VDAC2: variants seen among roughly 807,000 people sequenced by gnomAD.
VDAC2 encodes voltage dependent anion channel 2.
In VDAC2, 6 loss-of-function variants were observed where a neutral mutation model predicts 36.6. The ratio of observed to expected loss-of-function variants is 0.16; its 90% confidence interval spans 0.09 to 0.32. VDAC2 has a LOEUF of 0.32. Among genes scored for constraint, VDAC2 ranks in the 10% least tolerant of loss-of-function variants. The pLI, the probability that VDAC2 is intolerant of heterozygous loss-of-function variation, is 1.00. For synonymous variants in VDAC2, 109 were observed against 123.8 expected (o/e 0.88, Z 0.79); for missense variants, 247 against 346.0 (o/e 0.71, Z 2.27).
intron 7 of VDAC2, 36 bp from the exon 8 acceptor site, chr10:75,222,216 T>C: frequency 6.3e-7 from 1 of 1,587,718 alleles, no homozygotes; most frequent in South Asian, 1.1e-5. Context: ...TATTACATTG[T>C]CTATTCTAGA....
At chr10:75,221,019 A>T (rs1390381936) in intron 7 of VDAC2, 49 bp downstream of exon 7, 1 of 1,541,508 alleles carries the variant, frequency 6.5e-7, no homozygotes, top group Non-Finnish European at 8.9e-7. Context: ...TCAGAGGATG[A>T]TTTTGATGTC....
intron 4 of VDAC2, among the ~76,000 whole-genome samples, chr10:75,215,656 T>C (rs1188798583): frequency 2.7e-4 from 41 of 150,514 alleles, no homozygotes; most frequent in Non-Finnish European, 5.9e-5. Flanking sequence ...CCGGCCTATA[T>C]AGACATTTTT....
At position 75,230,914 on chromosome 10, in the gene VDAC2, C is replaced by A. The variant is rs748595459; in HGVS notation, c.810C>A (p.Leu270=). 3 of 1,613,622 alleles carry A rather than the reference C, an allele frequency of 1.9e-6. No individual in the cohort carries two copies. The highest frequency in any genetic ancestry group is 2.5e-6 in the Non-Finnish European group (3 of 1,179,786). The change falls in exon 10 of 10, where the codon CTC becomes CTA. Residue 270 remains leucine, a synonymous_variant. Coordinates refer to ENST00000332211, the MANE Select transcript of VDAC2 (RefSeq NM_001391963.1). ...TCTTAATAGGTGTGAAGCTTACACT[C>A]TCTGCTCTGGTAGATGGGAAGAGCA... ...QTLRPGVKLT[L]SALVDGKSIN...
At position 75,220,983 on chromosome 10, in the gene VDAC2, TTC is replaced by T; in HGVS notation, c.584+14_584+15del. 1 of 1,609,042 alleles carries T rather than the reference TTC, an allele frequency of 6.2e-7. No individual in the cohort carries two copies. Among genetic ancestry groups the T allele is most frequent in the African/African-American group, 1.3e-5 (1 of 74,962 alleles). ...TACACACTAATGTGTAAGTATTTCT[TTC>T]ATAGGATACTGTGATGTGGGCCCTC... On this transcript the variant is annotated intron_variant, in intron 7 of 9. Transcript: ENST00000332211.
intron 6 of VDAC2, among the ~76,000 whole-genome samples, chr10:75,219,985 G>A (rs1841759912): frequency 6.7e-6 from 1 of 150,254 alleles, no homozygotes; most frequent in Admixed American, 6.6e-5. Context: ...GTGCCACCAC[G>A]CCCACCTAAT....
chr10:75,224,092 T>C (rs1359140294), intron 8 of VDAC2, among the ~76,000 whole-genome samples: 1 of 152,188 alleles, frequency 6.6e-6, no homozygotes, highest in Non-Finnish European at 1.5e-5. Flanking sequence ...AACCTCTGTT[T>C]AGAGGTGCCA....
intron 3 of VDAC2, 88 bp from the exon 4 acceptor site, chr10:75,213,933 T>A (rs1279941361): frequency 7.8e-7 from 1 of 1,284,636 alleles, no homozygotes; most frequent in African/African-American, 1.5e-5. Flanking sequence ...ATGTGGAATC[T>A]TTTTGTTTTT....
At chr10:75,210,624 G>T (rs1374024306), upstream of VDAC2, 1 of 152,492 alleles carries the variant, frequency 6.6e-6, no homozygotes, top group African/African-American at 2.4e-5. Context: ...CCAAGGCCCA[G>T]CAGCTTCTGC....
chr10:75,229,662 A>T lies in VDAC2; in HGVS notation c.754A>T (p.Ser252Cys). 1 of 1,607,014 alleles carries T rather than the reference A, an allele frequency of 6.2e-7. No individual in the cohort carries two copies. Among genetic ancestry groups the T allele is most frequent in the African/African-American group, 1.3e-5 (1 of 74,600 alleles). The change falls in exon 9 of 10, where the codon AGC (serine) becomes TGC (cysteine). Residue 252 changes from serine to cysteine, a missense_variant. Ser to Cys is a moderately radical substitution (Grantham distance 112). Coordinates refer to ENST00000332211, the MANE Select transcript of VDAC2 (RefSeq NM_001391963.1). ...ASISAKVNNSSLIGVGYTQTL... is the reference protein window; with the variant it reads ...ASISAKVNNSCLIGVGYTQTL... ...ATTTTAGGCAAAAGTCAACAACTCT[A>T]GCTTAATTGGAGTAGGCTATACTCA...
chr10:75,223,130 G>A (rs978090587), intron 8 of VDAC2, among the ~76,000 whole-genome samples: 2 of 151,858 alleles, frequency 1.3e-5, no homozygotes, highest in South Asian at 2.1e-4. Flanking sequence ...ACAGGTGCCC[G>A]CCACCACACC....
chr10:75,222,353 G>T lies in VDAC2; in HGVS notation c.686G>T (p.Arg229Leu), dbSNP rs975718590. The T allele has an allele frequency of 1.2e-6, 2 of 1,614,008 alleles. No individual in the cohort carries two copies. The highest frequency in any genetic ancestry group is 2.7e-5 in the African/African-American group (2 of 74,916). Residue 229 changes from arginine to leucine, a missense_variant, in exon 8 of 10, where the codon CGT becomes CTT. Arg to Leu is a moderately radical substitution (Grantham distance 102, BLOSUM62 -2). Transcript: ENST00000332211. The stretch of plus-strand genomic sequence containing the variant: ...TGGACATCAGGTACCAACTGCACTC[G>T]TTTTGGCATTGCAGCTAAATATCAG... ...LAWTSGTNCTRFGIAAKYQLD... is the reference protein window; with the variant it reads ...LAWTSGTNCTLFGIAAKYQLD...
At chr10:75,229,287 C>G (rs527441781) in intron 8 of VDAC2, 6 of 166,610 alleles carry the variant, frequency 3.6e-5, no homozygotes, top group Non-Finnish European at 7.7e-5. Flanking sequence ...CTGTGTGTCA[C>G]CTCTAGTGAG....
At chr10:75,225,999 G>A (rs184997619) in intron 8 of VDAC2, among the ~76,000 whole-genome samples, 12 of 152,172 alleles carry the variant, frequency 7.9e-5, no homozygotes, top group East Asian at 1.9e-4. Flanking sequence ...CGCCGTGTTG[G>A]CCAGGCTGGT....
chr10:75,222,513 A>G (rs1340864107), intron 8 of VDAC2, 111 bp downstream of exon 8: 3 of 1,394,910 alleles, frequency 2.2e-6, no homozygotes, highest in Non-Finnish European at 2.9e-6. Context: ...CCCAGTTTAC[A>G]GATAGATTAG....
At chr10:75,215,252 A>C (rs1436491637) in intron 4 of VDAC2, among the ~76,000 whole-genome samples, 1 of 151,580 alleles carries the variant, frequency 6.6e-6, no homozygotes, top group Non-Finnish European at 1.5e-5. Flanking sequence ...TTACTTAAAA[A>C]ATTTTTGTTT....
At chr10:75,215,331 A>G (rs992983338) in intron 4 of VDAC2, among the ~76,000 whole-genome samples, 2 of 151,692 alleles carry the variant, frequency 1.3e-5, no homozygotes, top group Non-Finnish European at 2.9e-5. Context: ...ATATGTATGT[A>G]TGTATATATA....
intron 6 of VDAC2, 64 bp from the exon 7 acceptor site, chr10:75,220,679 G>A: frequency 7.2e-7 from 1 of 1,392,260 alleles, no homozygotes; most frequent in Non-Finnish European, 9.9e-7. Context: ...AGTCTGTTTT[G>A]TGCTCTCTTG....
At position 75,213,957 on chromosome 10, in the gene VDAC2, C is replaced by T. The variant is rs1841516844; in HGVS notation, c.101-64C>T. On this transcript the variant is annotated intron_variant, in intron 3 of 9. Coordinates refer to ENST00000332211, the MANE Select transcript of VDAC2 (RefSeq NM_001391963.1). ...CTTTTTGTTTTTTATGTATAGTCAA[C>T]AATTGCTATGCATCTTTCATACAAA... 3 of 1,525,008 alleles carry T rather than the reference C, an allele frequency of 2.0e-6. No individual in the cohort carries two copies. In the South Asian group the frequency reaches 3.4e-5, roughly 17 times the overall value. The allele number at this position is 1,525,008 out of a possible 1,614,324, so 94.5% of individuals were successfully genotyped here. A position where few individuals can be genotyped will look rare whatever the true frequency, so the allele number is the denominator to read the frequency against.
intron 8 of VDAC2, among the ~76,000 whole-genome samples, chr10:75,223,224 C>T (rs1374319843): frequency 1.3e-5 from 2 of 151,868 alleles, no homozygotes; most frequent in East Asian, 1.9e-4. Context: ...GTGATCCACC[C>T]GCCTCAGCCT....
Sources: allele counts gnomAD v4.1 joint callset (sites outside exome capture counted in the v4.1 genomes callset), GRCh38; gene constraint gnomAD v4.1.1; transcripts MANE v1.5; gene names NCBI Gene and HGNC (gene_info 2026-07-23, HGNC 2026-07-21).